Variants in NFKB1 observed in about 807,000 individuals in gnomAD.
The protein encoded by NFKB1 is nuclear factor kappa B subunit 1, also known as nuclear factor NF-kappa-B p105 subunit.
In NFKB1, 9 loss-of-function variants were observed where a neutral mutation model predicts 105.1. The ratio of observed to expected loss-of-function variants is 0.09; its 90% CI spans 0.05 to 0.15. The LOEUF is 0.15. NFKB1 is among the 10% of genes least tolerant of loss of function. The pLI, the probability that NFKB1 is intolerant of heterozygous loss-of-function variation, is 1.00. For synonymous variants in NFKB1, 440 were observed against 442.2 expected, an observed-to-expected ratio of 1.00 and a Z score of 0.06; for missense variants, 830 against 1,203.7, an observed-to-expected ratio of 0.69 and a Z score of 4.59.
intron 16 of NFKB1, among the ~76,000 whole-genome samples, chr4:102,603,584 C>T (rs1727408462): frequency 6.6e-6 from 1 of 152,112 alleles, no homozygotes; most frequent in Non-Finnish European, 1.5e-5. Context: ...TCTGGCTTCC[C>T]TAGTATGCCT....
At position 102,578,983 on chromosome 4, in the gene NFKB1, C is replaced by T. The variant is rs747362564; in HGVS notation, c.674C>T (p.Thr225Ile). The T allele has an allele frequency of 6.2e-7, 1 of 1,614,148 alleles. No individual in the cohort carries two copies. The highest frequency in any genetic ancestry group is 8.5e-7 in the Non-Finnish European group (1 of 1,180,020). Residue 225 changes from threonine to isoleucine, a missense_variant, in exon 8 of 24, where the codon ACT (threonine) becomes ATT (isoleucine). Physicochemically the swap from Thr to Ile is moderately conservative, Grantham distance 89. Transcript: ENST00000226574. ...LMFTAFLPDS[T>I]GSFTRRLEPV... ...TTTACAGCTTTTCTTCCGGATAGCA[C>T]TGGCAGCTTCACAAGGCGCCTGGAA...
At chr4:102,607,416 A>G in intron 18 of NFKB1, 97 bp downstream of exon 18, 1 of 1,337,560 alleles carries the variant, frequency 7.5e-7, no homozygotes, top group East Asian at 2.3e-5. Context: ...GTTCTCCCTT[A>G]CAATCAGCTC....
intron 5 of NFKB1, among the ~76,000 whole-genome samples, chr4:102,558,483 C>T (rs765871094): frequency 1.7e-4 from 26 of 152,230 alleles, no homozygotes; most frequent in Non-Finnish European, 3.1e-4. Flanking sequence ...CACTACCTGC[C>T]ACCTAACCCA....
chr4:102,562,241 C>G (rs141773382), intron 5 of NFKB1, among the ~76,000 whole-genome samples: 2 of 152,298 alleles, frequency 1.3e-5, no homozygotes, highest in African/African-American at 4.8e-5. Context: ...TCTTTCAGAT[C>G]TCCACCCTCA....
At position 102,540,182 on chromosome 4, in the gene NFKB1, G is replaced by A. The variant is rs566450698; in HGVS notation, c.258+2226G>A. On this transcript the variant is annotated intron_variant, in intron 5 of 23. Transcript: ENST00000226574. ...CTTGGCACAAAAAATATAAATTATG[G>A]TATTTTGTTTACTTCTATTGCTCTA... is the stretch of plus-strand genomic sequence containing the variant. Among the ~76,000 whole-genome samples the A allele has an allele frequency of 1.1e-4, 16 of 152,166 alleles. No homozygotes were observed. In the South Asian group the frequency reaches 2.3e-3, roughly 22 times the overall value.
chr4:102,525,313 G>C (rs946291279), intron 1 of NFKB1, among the ~76,000 whole-genome samples, 199 bp from the exon 2 acceptor site: 1 of 152,140 alleles, frequency 6.6e-6, no homozygotes, highest in African/African-American at 2.4e-5. Context: ...GTAATTCCTA[G>C]ATTATGCAAT....
chr4:102,553,230 A>G (rs1722750951), intron 5 of NFKB1, among the ~76,000 whole-genome samples: 1 of 152,300 alleles, frequency 6.6e-6, no homozygotes, highest in East Asian at 1.9e-4. Context: ...AGTATTTTCA[A>G]TAATTAAGAA....
intron 14 of NFKB1, among the ~76,000 whole-genome samples, chr4:102,596,598 G>A (rs534052793): frequency 2.0e-5 from 3 of 152,238 alleles, no homozygotes; most frequent in African/African-American, 7.2e-5. Context: ...AGGGTATTGT[G>A]AGAGATAATC....
intron 5 of NFKB1, among the ~76,000 whole-genome samples, chr4:102,545,198 G>A (rs780758013): frequency 6.6e-5 from 10 of 152,102 alleles, no homozygotes; most frequent in Non-Finnish European, 1.2e-4. Context: ...GTCCAGAGGT[G>A]AAGCTGGAGG....
chr4:102,574,162 G>T (rs745803720), intron 6 of NFKB1, among the ~76,000 whole-genome samples: 2 of 122,558 alleles, frequency 1.6e-5, no homozygotes, highest in African/African-American at 3.2e-5. Flanking sequence ...TTTTAAATAC[G>T]TTTGAGGATT....
intron 21 of NFKB1, 116 bp from the exon 22 acceptor site, chr4:102,612,318 G>C: frequency 8.9e-7 from 1 of 1,125,450 alleles, no homozygotes; most frequent in Non-Finnish European, 1.3e-6. Flanking sequence ...CCTTCAAGTA[G>C]AGTAGCTTGG....
At position 102,600,946 on chromosome 4, in the gene NFKB1, A is replaced by T; in HGVS notation, c.1689A>T (p.Leu563=). 3.1e-6 allele frequency: 5 copies of T among 1,612,978 alleles called. No homozygotes were observed. Among genetic ancestry groups the T allele is most frequent in the Non-Finnish European group, 4.2e-6 (5 of 1,178,972 alleles). ...TTCATTCTCAACTTGTGAGGGATCT[A>T]CTAGAAGTCACATCTGGTTTGATTT... is the stretch of plus-strand genomic sequence containing the variant. ...IHLHSQLVRD[L]LEVTSGLISD... is the part of the protein sequence containing the mutation. The change falls in exon 16 of 24, where the codon CTA becomes CTT. Residue 563 remains leucine, a synonymous_variant. Transcript: ENST00000226574.
intron 11 of NFKB1, among the ~76,000 whole-genome samples, chr4:102,586,139 G>A (rs1191264871): frequency 1.3e-5 from 2 of 152,174 alleles, no homozygotes; most frequent in Non-Finnish European, 2.9e-5. Context: ...GTGAGAAACA[G>A]TGCAGTTAGT....
intron 1 of NFKB1, among the ~76,000 whole-genome samples, chr4:102,508,466 A>G (rs967977274): frequency 2.0e-5 from 3 of 152,198 alleles, no homozygotes; most frequent in Non-Finnish European, 4.4e-5. Context: ...TACTTAAATC[A>G]GCAATTGATT....
chr4:102,524,850 G>A (rs965189713), intron 1 of NFKB1, among the ~76,000 whole-genome samples: 1 of 152,170 alleles, frequency 6.6e-6, no homozygotes, highest in Non-Finnish European at 1.5e-5. Context: ...TGATCTGACA[G>A]GACACGGAGC....
chr4:102,556,101 G>A (rs2149151150), intron 5 of NFKB1, among the ~76,000 whole-genome samples: 1 of 152,306 alleles, frequency 6.6e-6, no homozygotes, highest in Non-Finnish European at 1.5e-5. Context: ...AAAGACAAGA[G>A]ACAGAGAGGA....
chr4:102,566,558 T>C (rs1723888019), intron 5 of NFKB1, among the ~76,000 whole-genome samples: 1 of 152,206 alleles, frequency 6.6e-6, no homozygotes. Flanking sequence ...TTACCTGCCT[T>C]CTTCCTTTGA....
intron 14 of NFKB1, among the ~76,000 whole-genome samples, chr4:102,596,844 G>A (rs1054274993): frequency 1.3e-5 from 2 of 151,750 alleles, no homozygotes; most frequent in East Asian, 3.9e-4. Context: ...ATCCTAGATC[G>A]TACTAAGAAG....
chr4:102,603,044 T>C (rs1727337110), intron 16 of NFKB1, among the ~76,000 whole-genome samples: 1 of 152,166 alleles, frequency 6.6e-6, no homozygotes, highest in Non-Finnish European at 1.5e-5. Context: ...AAATAGGATC[T>C]GCAAAGGACA....
Sources: gnomAD v4.1 joint callset for allele counts (sites outside exome capture counted in the v4.1 genomes callset) on GRCh38, gnomAD v4.1.1 for gene constraint, MANE v1.5 for transcripts, NCBI Gene and HGNC (gene_info 2026-07-23, HGNC 2026-07-21) for gene names.